Variants in CHIA observed in about 807,000 individuals in gnomAD.
CHIA encodes the protein chitinase acidic, also known as acidic mammalian chitinase.
In CHIA, 47 loss-of-function variants were observed where a neutral mutation model predicts 53.5. The ratio of observed to expected loss-of-function variants is 0.88; its 90% confidence interval spans 0.70 to 1.12. CHIA has a LOEUF of 1.12. CHIA is among the 50% of genes most tolerant of loss of function. The probability of loss-of-function intolerance (pLI) is 0.00; values close to 1 mark genes in which losing one functional copy is unlikely to be tolerated. For missense variants in CHIA, 652 were observed against 592.2 expected (o/e 1.10, Z -1.05); for synonymous variants, 268 against 222.2 (o/e 1.21, Z -1.83).
At chr1:111,308,277 C>T (rs7542267) in intron 1 of CHIA, among the ~76,000 whole-genome samples, 4,854 of 152,252 alleles carry the variant, frequency 0.032, 173 homozygotes, top group African/African-American at 0.08. Flanking sequence ...GTCCTGAATA[C>T]GATAAACCTG....
intron 9 of CHIA, 131 bp downstream of exon 9, chr1:111,318,809 T>A: frequency 9.8e-7 from 1 of 1,015,356 alleles, no homozygotes; most frequent in Non-Finnish European, 1.4e-6. Flanking sequence ...TTAAAGTGTT[T>A]AAATAGCATT....
rs759156078 is a variant in CHIA, at chr1:111,320,371, G to A, written c.1336G>A (p.Ala446Thr). The change falls in exon 12 of 12, where the codon GCC (alanine) becomes ACC (threonine). Residue 446 changes from alanine (A) to threonine (T), a missense_variant. Transcript: ENST00000369740. ...GLYPVANNRN[A>T]FWHCVNGVTY... ...CTACCCCGTGGCAAATAACAGAAAT[G>A]CCTTCTGGCACTGCGTGAATGGAGT... 2 of 1,614,218 alleles carry A rather than the reference G, an allele frequency of 1.2e-6. No individual in the cohort carries two copies. The highest frequency in any genetic ancestry group is 1.7e-6 in the Non-Finnish European group (2 of 1,180,046).
intron 8 of CHIA, 47 bp downstream of exon 8, chr1:111,318,156 A>G (rs1165402590): frequency 6.8e-7 from 1 of 1,480,834 alleles, no homozygotes; most frequent in Non-Finnish European, 9.3e-7. Context: ...TGATGATGAA[A>G]ATCACATAGA....
intron 6 of CHIA, chr1:111,316,273 T>C (rs1428657756): frequency 6.3e-6 from 1 of 159,360 alleles, no homozygotes; most frequent in Non-Finnish European, 1.4e-5. Flanking sequence ...ACTTTACCTT[T>C]GACACAATGG....
intron 1 of CHIA, among the ~76,000 whole-genome samples, chr1:111,299,045 T>G (rs909041135): frequency 4.6e-5 from 7 of 152,052 alleles, no homozygotes; most frequent in Non-Finnish European, 7.4e-5. Flanking sequence ...CAGGAAGAAG[T>G]GGAATCTCTG....
chr1:111,314,358 T>C (rs985171190), intron 4 of CHIA, among the ~76,000 whole-genome samples, 182 bp from the exon 5 acceptor site: 1 of 152,188 alleles, frequency 6.6e-6, no homozygotes, highest in East Asian at 1.9e-4. Context: ...GAACCCTGAG[T>C]GCATTCATGA....
At chr1:111,316,288 G>A (rs557219104) in intron 6 of CHIA, 1 of 156,914 alleles carries the variant, frequency 6.4e-6, no homozygotes, top group Admixed American at 6.3e-5. Context: ...CAATGGGACT[G>A]TTTTGAAGAA....
At chr1:111,319,889 C>G (rs909733842) in intron 11 of CHIA, among the ~76,000 whole-genome samples, 1 of 152,140 alleles carries the variant, frequency 6.6e-6, no homozygotes. Context: ...CAGATTTTTC[C>G]TAGAATTTAT....
intron 1 of CHIA, among the ~76,000 whole-genome samples, 196 bp downstream of exon 1, chr1:111,291,146 C>G (rs973875943): frequency 3.3e-5 from 5 of 152,168 alleles, no homozygotes; most frequent in Admixed American, 6.5e-5. Flanking sequence ...CCTCACACAT[C>G]TCTCACACAG....
At chr1:111,318,810 A>G (rs764115375) in intron 9 of CHIA, 132 bp downstream of exon 9, 34 of 1,017,530 alleles carry the variant, frequency 3.3e-5, no homozygotes, top group Non-Finnish European at 4.8e-5. Context: ...TAAAGTGTTT[A>G]AATAGCATTC....
intron 8 of CHIA, 64 bp from the exon 9 acceptor site, chr1:111,318,429 T>A: frequency 7.5e-7 from 1 of 1,332,524 alleles, no homozygotes; most frequent in Non-Finnish European, 1.1e-6. Flanking sequence ...AATAGGGGAC[T>A]AATATAACTA....
chr1:111,304,138 T>C (rs1372478298), intron 1 of CHIA, among the ~76,000 whole-genome samples: 1 of 152,170 alleles, frequency 6.6e-6, no homozygotes, highest in Non-Finnish European at 1.5e-5. Context: ...ATGTGGCCAG[T>C]TGCTTCTCTT....
At chr1:111,302,550 G>A (rs952557796) in intron 1 of CHIA, among the ~76,000 whole-genome samples, 2 of 152,000 alleles carry the variant, frequency 1.3e-5, no homozygotes, top group African/African-American at 4.8e-5. Flanking sequence ...CAAATTGGTG[G>A]CTTCTACAGT....
rs372529539 is a variant in CHIA, at chr1:111,317,815, G to A, written c.605+10G>A. 3 of 1,613,746 alleles carry A rather than the reference G, an allele frequency of 1.9e-6. No homozygotes were observed. The highest frequency in any genetic ancestry group is 2.2e-5 in the East Asian group (1 of 44,878). ...TCCCCCAACTGTCACAGTGAGTGAT[G>A]TGCCTTATCTTCAAACTCCTGGAGG... On this transcript the variant is annotated intron_variant, in intron 7 of 11. Coordinates refer to ENST00000369740, the MANE Select transcript of CHIA (RefSeq NM_201653.4).
chr1:111,309,262 T>C (rs746282852), intron 1 of CHIA, among the ~76,000 whole-genome samples: 2 of 152,154 alleles, frequency 1.3e-5, no homozygotes, highest in Non-Finnish European at 2.9e-5. Context: ...AACCTACCAA[T>C]CACAGGAAGA....
At chr1:111,300,527 A>G (rs1039084820) in intron 1 of CHIA, among the ~76,000 whole-genome samples, 1 of 152,218 alleles carries the variant, frequency 6.6e-6, no homozygotes, top group Non-Finnish European at 1.5e-5. Flanking sequence ...CTGGCTAGCC[A>G]TATGTAGGAA....
rs752581236 is a variant in CHIA, at chr1:111,315,365, T to C, written c.410T>C (p.Phe137Ser). Residue 137 changes from phenylalanine (F) to serine (S), a missense_variant, in exon 6 of 12, where the codon TTT becomes TCT. By Grantham distance (155) the Phe-to-Ser change is radical (BLOSUM62 -2). Coordinates refer to ENST00000369740, the MANE Select transcript of CHIA (RefSeq NM_201653.4). ...CAGTATGAGTTTGACGGGCTGGACT[T>C]TGACTGGGAGTACCCTGGCTCTCGT... ...LRQYEFDGLD[F>S]DWEYPGSRGS... 9 of 1,614,008 alleles carry C rather than the reference T, an allele frequency of 5.6e-6. No homozygotes were observed. In the Admixed American group the frequency reaches 6.7e-5, roughly 12 times the overall value.
chr1:111,293,588 T>C (rs970924749), intron 1 of CHIA, among the ~76,000 whole-genome samples: 3 of 152,234 alleles, frequency 2.0e-5, no homozygotes, highest in African/African-American at 7.2e-5. Context: ...TTTAAAATAT[T>C]CATGAAGTCC....
chr1:111,311,540 T>C (rs1364103592), intron 2 of CHIA, 149 bp from the exon 3 acceptor site: 3 of 813,962 alleles, frequency 3.7e-6, no homozygotes, highest in African/African-American at 1.7e-5. Context: ...TCTACTGTTG[T>C]ATTCACTGAA....
Sources: allele counts gnomAD v4.1 joint callset (sites outside exome capture counted in the v4.1 genomes callset), GRCh38; gene constraint gnomAD v4.1.1; transcripts MANE v1.5; gene names NCBI Gene and HGNC (gene_info 2026-07-23, HGNC 2026-07-21).